TLK1: variants seen among roughly 807,000 people sequenced by gnomAD.
The protein encoded by TLK1 is tousled like kinase 1, also known as serine/threonine-protein kinase tousled-like 1.
A neutral mutation model predicts 105.3 loss-of-function variants in TLK1; 24 were observed. The observed-to-expected ratio is 0.23, with a 90% CI of 0.17 to 0.32. The LOEUF (loss-of-function observed/expected upper bound fraction) is 0.32. Among genes scored for constraint, TLK1 ranks in the 10% least tolerant of loss-of-function variants. The probability of loss-of-function intolerance (pLI) is 1.00; values close to 1 mark genes in which losing one functional copy is unlikely to be tolerated. For synonymous variants in TLK1, 321 were observed against 310.4 expected (o/e 1.03, Z -0.36); for missense variants, 558 against 910.5 (o/e 0.61, Z 4.98).
intron 11 of TLK1, among the ~76,000 whole-genome samples, chr2:171,039,642 G>C (rs1686558008): frequency 1.3e-5 from 2 of 152,086 alleles, no homozygotes; most frequent in Non-Finnish European, 2.9e-5. Context: ...ATCTGTTTTT[G>C]AAACACTCTT....
At chr2:171,147,764 T>C (rs1691848677) in intron 1 of TLK1, among the ~76,000 whole-genome samples, 1 of 152,230 alleles carries the variant, frequency 6.6e-6, no homozygotes, top group African/African-American at 2.4e-5. Context: ...GCTGCTTTCA[T>C]CATCTTAGTG....
intron 5 of TLK1, 41 bp from the exon 6 acceptor site, chr2:171,056,607 A>G: frequency 6.8e-7 from 1 of 1,480,504 alleles, no homozygotes; most frequent in Non-Finnish European, 9.4e-7. Context: ...TTACTAAAGC[A>G]GGCTCAGACA....
At chr2:171,054,585 C>G (rs1687406004) in intron 7 of TLK1, 1 of 152,468 alleles carries the variant, frequency 6.6e-6, no homozygotes, top group South Asian at 2.1e-4. Flanking sequence ...AGAGTAAGAT[C>G]TACTCTCCCA....
chr2:171,042,306 GAGTGATC>G, intron 11 of TLK1, among the ~76,000 whole-genome samples: 1 of 152,220 alleles, frequency 6.6e-6, no homozygotes, highest in African/African-American at 2.4e-5. Context: ...GAGTGCAGTG[GAGTGATC>G]ATAGCTCACT....
chr2:171,139,765 G>A (rs973243643), intron 1 of TLK1, among the ~76,000 whole-genome samples: 63 of 142,114 alleles, frequency 4.4e-4, no homozygotes, highest in African/African-American at 1.6e-3. Flanking sequence ...CAACCTTTTT[G>A]GCACCAGTGG....
chr2:171,007,204 C>A, intron 14 of TLK1, 141 bp from the exon 15 acceptor site: 1 of 563,650 alleles, frequency 1.8e-6, no homozygotes, highest in South Asian at 3.0e-5. Flanking sequence ...TCTGCTAAGA[C>A]TATATATAGC....
chr2:171,211,560 T>A (rs1693612899), intron 1 of TLK1, among the ~76,000 whole-genome samples: 1 of 152,228 alleles, frequency 6.6e-6, no homozygotes, highest in South Asian at 2.1e-4. Context: ...GGATGCTTTT[T>A]TTTTTTGAGA....
intron 2 of TLK1, among the ~76,000 whole-genome samples, chr2:171,098,332 G>A (rs1469651983): frequency 2.6e-5 from 4 of 152,010 alleles, no homozygotes; most frequent in East Asian, 1.9e-4. Context: ...CAATATATAT[G>A]TATATCAAAA....
chr2:171,201,777 T>C (rs2105320338), intron 1 of TLK1, among the ~76,000 whole-genome samples: 1 of 152,280 alleles, frequency 6.6e-6, no homozygotes, highest in Middle Eastern at 3.4e-3. Context: ...TCACGCACGG[T>C]CTCTGCAGGT....
At chr2:171,098,466 A>G (rs1283332962) in intron 2 of TLK1, among the ~76,000 whole-genome samples, 1 of 152,214 alleles carries the variant, frequency 6.6e-6, no homozygotes, top group African/African-American at 2.4e-5. Context: ...TAGTAGCAGT[A>G]TAATTAAAAC....
intron 1 of TLK1, among the ~76,000 whole-genome samples, chr2:171,191,075 A>G (rs113566248): frequency 0.088 from 13,397 of 151,792 alleles, 1,212 homozygotes; most frequent in East Asian, 0.3. Context: ...CAGGAGAATC[A>G]CTTGAACCCA....
chr2:171,165,138 A>G (rs1394559716), upstream of TLK1, among the ~76,000 whole-genome samples: 2 of 152,238 alleles, frequency 1.3e-5, no homozygotes, highest in Non-Finnish European at 2.9e-5. Context: ...CCATGGAGGA[A>G]TATTCCCAGA....
At chr2:171,199,608 G>T (rs1693359819) in intron 1 of TLK1, among the ~76,000 whole-genome samples, 1 of 152,128 alleles carries the variant, frequency 6.6e-6, no homozygotes, top group Admixed American at 6.6e-5. Context: ...TGAAGTTCGA[G>T]GGCTCCCTCA....
chr2:171,128,306 C>T (rs1458088455), intron 1 of TLK1, among the ~76,000 whole-genome samples: 2 of 152,090 alleles, frequency 1.3e-5, no homozygotes, highest in African/African-American at 4.8e-5. Flanking sequence ...TTTCTTTCAT[C>T]AAAAACATAC....
chr2:171,169,879 G>T (rs532987271), intron 1 of TLK1, among the ~76,000 whole-genome samples: 3 of 152,270 alleles, frequency 2.0e-5, no homozygotes, highest in Non-Finnish European at 2.9e-5. Flanking sequence ...ATTAAGCAAA[G>T]GTAGATTTTT....
intron 1 of TLK1, among the ~76,000 whole-genome samples, chr2:171,218,674 T>A (rs1002415802): frequency 3.3e-5 from 5 of 152,134 alleles, no homozygotes; most frequent in South Asian, 2.1e-4. Context: ...TGTTGCTGCA[T>A]CCTCTGGGGG....
At chr2:171,067,055 C>T (rs191463860) in intron 3 of TLK1, 1 of 1,362,750 alleles carries the variant, frequency 7.3e-7, no homozygotes, top group East Asian at 2.6e-5. Context: ...GTATCATACC[C>T]CTACAAACAT....
In TLK1 at chr2:170,991,008, A is replaced by ATT. The variant is rs1559325989; in HGVS notation, c.*2771_*2772insAA. The ATT allele has an allele frequency of 7.3e-5, 11 of 149,990 alleles. No homozygotes were observed. The highest frequency in any genetic ancestry group is 1.5e-4 in the African/African-American group (6 of 40,828). 9.3% of individuals were successfully genotyped at this position (149,990 alleles called of 1,614,324 possible). ...GAAGGAGATGGTAGTGAGTGTTTAAAAAAAAAAAAAAGATTGAGTCTTTAT... is the reference window on the plus strand; with the variant it reads ...GAAGGAGATGGTAGTGAGTGTTTAAATTAAAAAAAAAAAGATTGAGTCTTTAT... On this transcript the variant is annotated 3_prime_UTR_variant, in exon 21 of 21. Transcript: ENST00000431350.
chr2:171,061,756 TC>T (rs1451894497), intron 3 of TLK1, among the ~76,000 whole-genome samples: 1 of 152,238 alleles, frequency 6.6e-6, no homozygotes, highest in Non-Finnish European at 1.5e-5. Flanking sequence ...TTCTGTATGA[TC>T]GAACCATAGC....
Sources: allele counts gnomAD v4.1 joint callset (sites outside exome capture counted in the v4.1 genomes callset), GRCh38; gene constraint gnomAD v4.1.1; transcripts MANE v1.5; gene names NCBI Gene and HGNC (gene_info 2026-07-23, HGNC 2026-07-21).